PIK3CA: variants seen among roughly 807,000 people sequenced by gnomAD.
The protein encoded by PIK3CA is phosphatidylinositol 4,5-bisphosphate 3-kinase catalytic subunit alpha isoform.
A neutral mutation model predicts 138.2 loss-of-function variants in PIK3CA; 27 were observed. That is an observed-to-expected ratio of 0.20 (90% CI 0.14 to 0.27). The LOEUF is 0.27. PIK3CA is among the 10% of genes least tolerant of loss of function. PIK3CA has a pLI of 1.00. For missense variants in PIK3CA, 544 were observed against 1,277.4 expected (o/e 0.43, Z 8.75); for synonymous variants, 358 against 413.2 (o/e 0.87, Z 1.62).
chr3:179,192,753 A>G lies in PIK3CA; in HGVS notation c.-76-5997A>G, dbSNP rs537154960. 7.9e-5 allele frequency among the ~76,000 whole-genome samples: 12 copies of G among 152,350 alleles called. No individual in the cohort carries two copies. The South Asian group carries it at 1.7e-3, about 21-fold the overall frequency. On this transcript the variant is annotated intron_variant, in intron 1 of 20. Coordinates refer to ENST00000263967, the MANE Select transcript of PIK3CA (RefSeq NM_006218.4). Reference sequence around the variant, plus strand: ...GTTACCTGTGTTCCAATAAAACTTTATTTACAAAAGCAAGTGGTGAGTTGG... The same window carrying G: ...GTTACCTGTGTTCCAATAAAACTTTGTTTACAAAAGCAAGTGGTGAGTTGG...
intron 1 of PIK3CA, among the ~76,000 whole-genome samples, chr3:179,152,756 C>T (rs1723044866): frequency 6.6e-6 from 1 of 152,096 alleles, no homozygotes; most frequent in Non-Finnish European, 1.5e-5. Context: ...GTTAGCACTG[C>T]AGGTGTGATT....
At chr3:179,204,792 C>CTTGATCCTGGAAGTTCCA (rs1724514321) in intron 6 of PIK3CA, among the ~76,000 whole-genome samples, 1 of 151,652 alleles carries the variant, frequency 6.6e-6, no homozygotes, top group Non-Finnish European at 1.5e-5. Flanking sequence ...GAGGCTGAGG[C>CTTGATCCTGGAAGTTCCA]GGGTGGATCA....
intron 1 of PIK3CA, among the ~76,000 whole-genome samples, chr3:179,177,278 G>A (rs181340721): frequency 1.3e-5 from 2 of 150,130 alleles, no homozygotes; most frequent in East Asian, 3.9e-4. Flanking sequence ...TTTCTGTGTG[G>A]CATCTTGGTA....
Position 179,156,032 on chromosome 3 carries a change from T to C in PIK3CA, c.-77+7429T>C, listed in dbSNP as rs1386088009. Among the ~76,000 whole-genome samples, 3 of 152,246 alleles carry C rather than the reference T, an allele frequency of 2.0e-5. No individual in the cohort carries two copies. In the East Asian group the frequency reaches 5.8e-4, roughly 29 times the overall value. On this transcript the variant is annotated intron_variant, in intron 1 of 20. Transcript: ENST00000263967. Reference sequence around the variant, plus strand: ...AGATTCCTAGTATGTTAAAGCCTGTTTTTTTATTTCAGGGAAGAGTAAGTA... The same window carrying C: ...AGATTCCTAGTATGTTAAAGCCTGTCTTTTTATTTCAGGGAAGAGTAAGTA...
chr3:179,178,579 T>C (rs77766358), intron 1 of PIK3CA, among the ~76,000 whole-genome samples: 2 of 152,290 alleles, frequency 1.3e-5, no homozygotes, highest in Non-Finnish European at 2.9e-5. Flanking sequence ...TAAGAACTAT[T>C]TCTTATAAAG....
intron 6 of PIK3CA, among the ~76,000 whole-genome samples, chr3:179,206,591 G>C (rs56303270): frequency 0.038 from 5,733 of 152,262 alleles, 364 homozygotes; most frequent in African/African-American, 0.13. Context: ...CTAGCTAGCT[G>C]TTTCAAGTAC....
intron 1 of PIK3CA, among the ~76,000 whole-genome samples, chr3:179,186,145 A>G (rs1029183706): frequency 2.0e-5 from 3 of 152,198 alleles, no homozygotes; most frequent in Non-Finnish European, 2.9e-5. Flanking sequence ...GACCCTTACC[A>G]CTTTGGAGAT....
intron 1 of PIK3CA, among the ~76,000 whole-genome samples, chr3:179,162,356 C>G (rs192202791): frequency 6.6e-6 from 1 of 152,016 alleles, no homozygotes; most frequent in Non-Finnish European, 1.5e-5. Flanking sequence ...TGTAGAGTCA[C>G]ACTCTGCCAC....
intron 4 of PIK3CA, 35 bp downstream of exon 4, chr3:179,201,575 T>G: frequency 7.1e-7 from 1 of 1,401,658 alleles, no homozygotes; most frequent in Non-Finnish European, 9.7e-7. Context: ...AATTTTTAAT[T>G]TAAAAAGTAA....
intron 1 of PIK3CA, among the ~76,000 whole-genome samples, chr3:179,195,286 G>A (rs1289522417): frequency 2.0e-5 from 3 of 151,292 alleles, no homozygotes; most frequent in Middle Eastern, 3.5e-3. Flanking sequence ...AACAAAAACC[G>A]TTTCCTTCCC....
chr3:179,148,327 G>C (rs1423523183), upstream of PIK3CA: 1 of 151,748 alleles, frequency 6.6e-6, no homozygotes, highest in African/African-American at 2.4e-5. Flanking sequence ...GGGGGCTAGC[G>C]AGGAGAGGGA....
In PIK3CA at chr3:179,200,138, C is replaced by T. The variant is rs150935429; in HGVS notation, c.562+239C>T. 3.3e-4 allele frequency among the ~76,000 whole-genome samples: 50 copies of T among 151,668 alleles called. 1 individual carries two copies. The highest frequency in any genetic ancestry group is 9.9e-4 in the African/African-American group (41 of 41,440). On this transcript the variant is annotated intron_variant, in intron 3 of 20. Coordinates refer to ENST00000263967, the MANE Select transcript of PIK3CA (RefSeq NM_006218.4). ...ATTTCTTGGTAAATTGTCTATAAAA[C>T]GGAAGAAGTATGAGTTTGAAATTTA...
At chr3:179,198,379 G>A (rs1458644967) in intron 1 of PIK3CA, among the ~76,000 whole-genome samples, 1 of 152,176 alleles carries the variant, frequency 6.6e-6, no homozygotes, top group African/African-American at 2.4e-5. Flanking sequence ...TTTTCCGTAA[G>A]ATAGAAGAGA....
At chr3:179,210,610 G>A (rs776981599) in intron 9 of PIK3CA, 45 bp downstream of exon 9, 27 of 1,576,110 alleles carry the variant, frequency 1.7e-5, no homozygotes, top group Non-Finnish European at 2.3e-5. Context: ...TATAATCTGT[G>A]GATTTAGGTA....
rs903895295 is a variant in PIK3CA at position 179,236,819 on chromosome 3, C to T, written c.*2455C>T. The T allele has an allele frequency of 4.7e-6, 1 of 212,384 alleles. No individual in the cohort carries two copies. 13.2% of individuals were successfully genotyped at this position (212,384 alleles called of 1,614,324 possible). ...GAAAGAAATGAGGCAAAGAACCAAACATTGAATTAAATGCTACATGGGTGA... is the reference window on the plus strand; with the variant it reads ...GAAAGAAATGAGGCAAAGAACCAAATATTGAATTAAATGCTACATGGGTGA... On this transcript the variant is annotated 3_prime_UTR_variant, in exon 21 of 21. Coordinates refer to ENST00000263967, the MANE Select transcript of PIK3CA (RefSeq NM_006218.4).
At chr3:179,223,741 G>A (rs1224173564) in intron 14 of PIK3CA, among the ~76,000 whole-genome samples, 3 of 152,132 alleles carry the variant, frequency 2.0e-5, no homozygotes, top group African/African-American at 4.8e-5. Flanking sequence ...AATATGTAAT[G>A]AATGGGTGTA....
chr3:179,183,087 A>G (rs1052985520), intron 1 of PIK3CA, among the ~76,000 whole-genome samples: 2 of 152,200 alleles, frequency 1.3e-5, no homozygotes, highest in Non-Finnish European at 1.5e-5. Context: ...TGCCAAAGTT[A>G]TTACTTCAAG....
intron 1 of PIK3CA, among the ~76,000 whole-genome samples, chr3:179,185,543 A>G (rs1294227432): frequency 1.3e-5 from 2 of 152,182 alleles, no homozygotes; most frequent in African/African-American, 4.8e-5. Context: ...CTATCTGCCT[A>G]GAGATAGCAT....
At chr3:179,201,704 C>G (rs1218564580) in intron 4 of PIK3CA, among the ~76,000 whole-genome samples, 164 bp downstream of exon 4, 1 of 149,104 alleles carries the variant, frequency 6.7e-6, no homozygotes, top group African/African-American at 2.5e-5. Context: ...CTCCTGGGTT[C>G]ATGCCATTCT....
Sources: gnomAD v4.1 joint callset for allele counts (sites outside exome capture counted in the v4.1 genomes callset) on GRCh38, gnomAD v4.1.1 for gene constraint, MANE v1.5 for transcripts, NCBI Gene and HGNC (gene_info 2026-07-23, HGNC 2026-07-21) for gene names.